The following SLC38A11 variants were observed in gnomAD, a reference collection of about 807,000 sequenced individuals.
SLC38A11 encodes the protein putative sodium-coupled neutral amino acid transporter 11.
SLC38A11 carries 51 observed loss-of-function variants against 49.4 expected under a neutral mutation model. The observed-to-expected ratio is 1.03, with a 90% confidence interval of 0.83 to 1.30. The LOEUF (loss-of-function observed/expected upper bound fraction) is 1.30, where lower values mean the gene tolerates loss of function less well. Ranked by LOEUF, SLC38A11 falls within the 50% of genes most tolerant of loss-of-function variation. SLC38A11 has a pLI of 0.00. For missense variants in SLC38A11, 574 were observed against 556.2 expected (o/e 1.03, Z -0.32); for synonymous variants, 203 against 192.9 (o/e 1.05, Z -0.43).
chr2:164,937,682 T>C lies in SLC38A11; in HGVS notation c.538-253A>G, dbSNP rs1387080844. 3 of 273,512 alleles carry C rather than the reference T, an allele frequency of 1.1e-5. No individual in the cohort carries two copies. The East Asian group carries it at 2.1e-4, about 20-fold the overall frequency. The allele number at this position is 273,512 out of a possible 1,614,324, so 16.9% of individuals were successfully genotyped here. A position where few individuals can be genotyped will look rare whatever the true frequency, so the allele number is the denominator to read the frequency against. ...ACATGACTGTCATCACCATGCAACA[T>C]GGCTTTAAAAATTTTTAGTGGCTCC... On this transcript the variant is annotated intron_variant, in intron 6 of 11. Coordinates refer to ENST00000685975, the MANE Select transcript of SLC38A11 (RefSeq NM_001351537.2).
chr2:164,926,722 A>T (rs563548433), intron 7 of SLC38A11, among the ~76,000 whole-genome samples: 1 of 152,176 alleles, frequency 6.6e-6, no homozygotes, highest in East Asian at 1.9e-4. Flanking sequence ...AGGGACATGG[A>T]TGAAGCTGGA....
Position 164,935,177 on chromosome 2 carries a change from C to CTT in SLC38A11, c.617+2171_617+2172dup, listed in dbSNP as rs1203671243. On this transcript the variant is annotated intron_variant, in intron 7 of 11. Coordinates refer to ENST00000685975, the MANE Select transcript of SLC38A11 (RefSeq NM_001351537.2). ...CCTTGTACTGTCATTGATTTTTCTT[C>CTT]TTTTTTTTTTTTGGTTTTAAAGTAA... Among the ~76,000 whole-genome samples the CTT allele has an allele frequency of 1.8e-3, 256 of 143,674 alleles. 1 individual carries two copies. Among genetic ancestry groups the CTT allele is most frequent in the African/African-American group, 6.2e-3 (244 of 39,550 alleles). The allele number at this position is 143,674 out of a possible 152,430, so 94.3% of individuals were successfully genotyped here.
intron 5 of SLC38A11, among the ~76,000 whole-genome samples, chr2:164,943,595 G>A (rs1687922848): frequency 6.6e-6 from 1 of 152,204 alleles, no homozygotes; most frequent in Non-Finnish European, 1.5e-5. Context: ...GGGAGCTGGA[G>A]ATTAGGATTT....
rs1687444374 is a variant in SLC38A11 at position 164,937,406 on chromosome 2, T to A, written c.561A>T (p.Leu187Phe). 2 of 1,611,010 alleles carry A rather than the reference T, an allele frequency of 1.2e-6. No homozygotes were observed. The highest frequency in any genetic ancestry group is 1.7e-6 in the Non-Finnish European group (2 of 1,177,552). Residue 187 changes from leucine (L) to phenylalanine (F), a missense_variant, in exon 7 of 12, where the codon TTA (leucine) becomes TTT (phenylalanine). Transcript: ENST00000685975. The part of the protein sequence containing the change: ...LGKVSLISTG[L>F]TTLILGIVMA... Reference sequence around the variant, plus strand: ...TTACAATTCCAAGAATCAGAGTTGTTAAACCTGTAGAGATGAGGGAGACCT... The same window carrying A: ...TTACAATTCCAAGAATCAGAGTTGTAAAACCTGTAGAGATGAGGGAGACCT...
At chr2:164,909,071 A>G (rs1042435916) in intron 10 of SLC38A11, among the ~76,000 whole-genome samples, 10 of 152,136 alleles carry the variant, frequency 6.6e-5, no homozygotes, top group Non-Finnish European at 1.3e-4. Context: ...TTGGAAAGTT[A>G]TCTTATCCTT....
chr2:164,937,210 T>G, intron 7 of SLC38A11, 140 bp downstream of exon 7: 1 of 611,558 alleles, frequency 1.6e-6, no homozygotes, highest in Non-Finnish European at 2.9e-6. Flanking sequence ...CCTGTAATTA[T>G]TTTACCTCAT....
chr2:164,952,485 C>T (rs1688588497), intron 3 of SLC38A11, among the ~76,000 whole-genome samples: 2 of 152,188 alleles, frequency 1.3e-5, no homozygotes, highest in South Asian at 2.1e-4. Context: ...AGGATTTAGG[C>T]TTGGTAATAT....
intron 3 of SLC38A11, among the ~76,000 whole-genome samples, chr2:164,951,662 G>C (rs997146709): frequency 6.6e-6 from 1 of 152,176 alleles, no homozygotes; most frequent in Admixed American, 6.5e-5. Context: ...GAGGTTTTAC[G>C]AGGGATGGCA....
chr2:164,902,033 CTTTT>C (rs60476941), intron 11 of SLC38A11, among the ~76,000 whole-genome samples: 1 of 133,284 alleles, frequency 7.5e-6, no homozygotes. Context: ...TTTTCTCTCT[CTTTT>C]TTTTTTTTTT....
intron 7 of SLC38A11, among the ~76,000 whole-genome samples, chr2:164,919,145 C>T (rs1289294274): frequency 2.0e-5 from 3 of 152,014 alleles, no homozygotes. Flanking sequence ...GCCTGGGCAA[C>T]ACAGGGAGAT....
At position 164,907,076 on chromosome 2, in the gene SLC38A11, A is replaced by G. The variant is rs1001357172; in HGVS notation, c.1095+1564T>C. 6.6e-5 allele frequency among the ~76,000 whole-genome samples: 10 copies of G among 152,266 alleles called. No individual in the cohort carries two copies. The East Asian group carries it at 1.7e-3, about 26-fold the overall frequency. On this transcript the variant is annotated intron_variant, in intron 11 of 11. Transcript: ENST00000685975. ...AATTCTGTAAGGATTGTAGAAGATT[A>G]GCCACTTTGTAGTGGTAGAACAACT...
chr2:164,949,996 CT>C (rs1279614272), intron 3 of SLC38A11: 1 of 152,156 alleles, frequency 6.6e-6, no homozygotes, highest in Non-Finnish European at 1.5e-5. Flanking sequence ...ATAAAAATAA[CT>C]TGCAGCAGCA....
In SLC38A11 at chr2:164,898,788, A is replaced by G; in HGVS notation, c.1096-58T>C. On this transcript the variant is annotated intron_variant, in intron 11 of 11. Coordinates refer to ENST00000685975, the MANE Select transcript of SLC38A11 (RefSeq NM_001351537.2). ...CACTAGATGGAAACATTCTTCGGAC[A>G]GCTTTTAAAAGCATTTACAAAATGT... 2.0e-6 allele frequency: 3 copies of G among 1,503,728 alleles called. No individual in the cohort carries two copies. The South Asian group carries it at 3.8e-5, about 19-fold the overall frequency. The allele number at this position is 1,503,728 out of a possible 1,614,324, so 93.1% of individuals were successfully genotyped here.
chr2:164,955,500 A>G lies in SLC38A11; in HGVS notation c.-253T>C. On this transcript the variant is annotated 5_prime_UTR_variant, in exon 1 of 12. Coordinates refer to ENST00000685975, the MANE Select transcript of SLC38A11 (RefSeq NM_001351537.2). ...CCAGACAAATGTATTTTTCCTCCGG[A>G]GACGGAGATGCTGCAGGATGTTTCT... is the stretch of plus-strand genomic sequence containing the variant. 1.8e-6 allele frequency: 1 copy of G among 542,354 alleles called. No homozygotes were observed. Among genetic ancestry groups the G allele is most frequent in the Admixed American group, 3.3e-5 (1 of 30,100 alleles). 33.6% of individuals were successfully genotyped at this position (542,354 alleles called of 1,614,324 possible).
intron 11 of SLC38A11, 32 bp from the exon 12 acceptor site, chr2:164,898,762 T>C (rs1684468681): frequency 6.3e-7 from 1 of 1,579,266 alleles, no homozygotes; most frequent in Non-Finnish European, 8.6e-7. Context: ...CAAGATAATG[T>C]CACTAGATGG....
chr2:164,941,227 AT>A (rs532155536), intron 5 of SLC38A11, among the ~76,000 whole-genome samples: 84 of 152,230 alleles, frequency 5.5e-4, no homozygotes, highest in Non-Finnish European at 1.1e-3. Context: ...TGAAAATAAA[AT>A]TTTTGAAAAA....
At chr2:164,954,575 C>T (rs903621960) in intron 2 of SLC38A11, 56 bp downstream of exon 2, 8 of 717,092 alleles carry the variant, frequency 1.1e-5, no homozygotes, top group South Asian at 5.0e-5. Context: ...AGCAGCGTAG[C>T]GAGTCTTAAA....
At chr2:164,916,317 G>A (rs1489856999) in intron 7 of SLC38A11, among the ~76,000 whole-genome samples, 1 of 152,060 alleles carries the variant, frequency 6.6e-6, no homozygotes, top group Non-Finnish European at 1.5e-5. Flanking sequence ...TTTTGAGGGA[G>A]ATACAAAAAT....
At chr2:164,909,583 C>T (rs1388814333) in intron 10 of SLC38A11, among the ~76,000 whole-genome samples, 1 of 151,184 alleles carries the variant, frequency 6.6e-6, no homozygotes, top group Admixed American at 6.6e-5. Flanking sequence ...CTGAAATATG[C>T]TTGACCTACC....
Sources: allele counts gnomAD v4.1 joint callset (sites outside exome capture counted in the v4.1 genomes callset), GRCh38; gene constraint gnomAD v4.1.1; transcripts MANE v1.5; gene names NCBI Gene and HGNC (gene_info 2026-07-23, HGNC 2026-07-21).